POLR3A: variants seen among roughly 807,000 people sequenced by gnomAD.
POLR3A encodes DNA-directed RNA polymerase III subunit RPC1.
A neutral mutation model predicts 152.8 loss-of-function variants in POLR3A; 112 were observed. That is an observed-to-expected ratio of 0.73 (90% CI 0.63 to 0.86). The LOEUF is 0.86. POLR3A is among the 40% of genes least tolerant of loss of function. The pLI is 0.00. For synonymous variants in POLR3A, 615 were observed against 652.1 expected (o/e 0.94, Z 0.87); for missense variants, 1,385 against 1,743.1 (o/e 0.79, Z 3.66).
chr10:77,995,896 A>C (rs1236859346), intron 19 of POLR3A, among the ~76,000 whole-genome samples: 2 of 152,210 alleles, frequency 1.3e-5, no homozygotes, highest in Non-Finnish European at 2.9e-5. Flanking sequence ...TCCAAAACTG[A>C]CCACACAGTT....
chr10:78,001,185 C>G (rs1847353660), intron 17 of POLR3A, 91 bp from the exon 18 acceptor site: 1 of 711,878 alleles, frequency 1.4e-6, no homozygotes, highest in South Asian at 1.4e-5. Context: ...CAGGAATAGG[C>G]CCTTATGCTC....
chr10:78,003,017 G>A (rs1212663478), intron 16 of POLR3A, among the ~76,000 whole-genome samples: 5 of 152,202 alleles, frequency 3.3e-5, no homozygotes, highest in African/African-American at 1.2e-4. Context: ...TTGTAAATTT[G>A]TCTTTCTACT....
At chr10:77,990,775 G>A (rs557798642) in intron 21 of POLR3A, among the ~76,000 whole-genome samples, 7 of 152,026 alleles carry the variant, frequency 4.6e-5, no homozygotes, top group South Asian at 2.1e-4. Flanking sequence ...CACCACGCCC[G>A]GCTAATTTTT....
At chr10:78,029,253 G>A in intron 1 of POLR3A, 111 bp downstream of exon 1, 5 of 1,066,894 alleles carry the variant, frequency 4.7e-6, no homozygotes, top group Non-Finnish European at 7.3e-6. Flanking sequence ...TGGACTACTG[G>A]CCCTCCCCTT....
chr10:78,001,379 C>T (rs539848199), intron 17 of POLR3A, among the ~76,000 whole-genome samples: 5 of 152,056 alleles, frequency 3.3e-5, no homozygotes, highest in Admixed American at 6.5e-5. Context: ...AGGTTGGACT[C>T]CTGGAGGACA....
chr10:77,992,620 TTTAG>T (rs1445232637), intron 20 of POLR3A, among the ~76,000 whole-genome samples: 4 of 151,880 alleles, frequency 2.6e-5, no homozygotes, highest in Non-Finnish European at 5.9e-5. Flanking sequence ...TTTTTGTATC[TTTAG>T]TAGAGATGGG....
chr10:77,981,578 G>A lies in POLR3A; in HGVS notation c.3760-19C>T, dbSNP rs1452083755. On this transcript the variant is annotated intron_variant, in intron 28 of 30. Coordinates refer to ENST00000372371, the MANE Select transcript of POLR3A (RefSeq NM_007055.4). Reference sequence around the variant, plus strand: ...TCTCCACCTACAGAGAGCCAGTAATGAGCAGAAGCAGCCCCTTCCGGGAGG... The same window carrying A: ...TCTCCACCTACAGAGAGCCAGTAATAAGCAGAAGCAGCCCCTTCCGGGAGG... The A allele has an allele frequency of 1.9e-6, 3 of 1,613,742 alleles. No individual in the cohort carries two copies. The highest frequency in any genetic ancestry group is 2.5e-6 in the Non-Finnish European group (3 of 1,179,868).
chr10:78,020,026 T>C (rs1325401889), intron 8 of POLR3A: 1 of 149,830 alleles, frequency 6.7e-6, no homozygotes, highest in African/African-American at 2.5e-5. Flanking sequence ...ATATAAAAAT[T>C]AGCTGGGTGT....
chr10:78,015,031 C>A (rs1299737678), intron 10 of POLR3A, among the ~76,000 whole-genome samples: 1 of 152,116 alleles, frequency 6.6e-6, no homozygotes, highest in African/African-American at 2.4e-5. Context: ...AAACAAACCA[C>A]AAAAAGACAA....
chr10:77,977,686 G>A, intron 30 of POLR3A, 60 bp from the exon 31 acceptor site: 1 of 1,442,844 alleles, frequency 6.9e-7, no homozygotes. Context: ...TTTTCACGAA[G>A]AAAGACTATT....
intron 30 of POLR3A, among the ~76,000 whole-genome samples, chr10:77,977,900 C>T (rs886900490): frequency 6.6e-6 from 1 of 152,124 alleles, no homozygotes; most frequent in African/African-American, 2.4e-5. Context: ...TCTCCTCTCC[C>T]ACCTGAGCCA....
chr10:78,002,250 C>A lies in POLR3A; in HGVS notation c.2306G>T (p.Arg769Leu). Residue 769 changes from arginine (R) to leucine (L), a missense_variant, in exon 17 of 31, where the codon CGG (arginine) becomes CTG (leucine). By Grantham distance (102) the Arg-to-Leu change is moderately radical. Coordinates refer to ENST00000372371, the MANE Select transcript of POLR3A (RefSeq NM_007055.4). ...IRDHAGSACL[R>L]ELDKSNSPLT... Reference sequence around the variant, plus strand: ...GGGGCTGTTGCTCTTGTCCAGCTCCCGGAGGCAGGCACTGCCAGCGTGGTC... The same window carrying A: ...GGGGCTGTTGCTCTTGTCCAGCTCCAGGAGGCAGGCACTGCCAGCGTGGTC... 6.2e-7 allele frequency: 1 copy of A among 1,604,762 alleles called. No individual in the cohort carries two copies.
intron 19 of POLR3A, among the ~76,000 whole-genome samples, chr10:77,998,083 G>A (rs1159341791): frequency 1.3e-5 from 2 of 152,126 alleles, no homozygotes; most frequent in Non-Finnish European, 2.9e-5. Context: ...ATGGTGCTGG[G>A]AAAACTGGGT....
intron 17 of POLR3A, 45 bp downstream of exon 17, chr10:78,002,152 G>A (rs1415003251): frequency 1.7e-6 from 2 of 1,211,800 alleles, no homozygotes; most frequent in Admixed American, 2.0e-5. Flanking sequence ...CAAACAGCCT[G>A]TACGGAGAAC....
chr10:78,006,329 G>A (rs536211646), intron 15 of POLR3A, among the ~76,000 whole-genome samples: 52 of 149,018 alleles, frequency 3.5e-4, no homozygotes, highest in Non-Finnish European at 6.1e-4. Flanking sequence ...CCTGGGAGGC[G>A]GAGGTTGCAG....
chr10:77,985,278 C>A lies in POLR3A; in HGVS notation c.3134G>T (p.Gly1045Val). 2 of 1,613,962 alleles carry A rather than the reference C, an allele frequency of 1.2e-6. No individual in the cohort carries two copies. The highest frequency in any genetic ancestry group is 1.7e-6 in the Non-Finnish European group (2 of 1,179,840). Residue 1045 changes from glycine (G) to valine (V), a missense_variant, in exon 24 of 31, where the codon GGC (glycine) becomes GTC (valine). Coordinates refer to ENST00000372371, the MANE Select transcript of POLR3A (RefSeq NM_007055.4). ...GAAAGTCTTCAGGGTCATCTGGGTG[C>A]CTGGCTCACCAATGCTCTGGGCACA... ...ALCAQSIGEP[G>V]TQMTLKTFHF... is the part of the protein sequence containing the mutation.
chr10:77,980,341 G>GT, intron 29 of POLR3A, 68 bp from the exon 30 acceptor site: 1 of 1,488,492 alleles, frequency 6.7e-7, no homozygotes, highest in Admixed American at 1.7e-5. Flanking sequence ...CCAAAGCACG[G>GT]TGCACCTTCA....
rs1847075495 is a variant in POLR3A at position 77,975,209 on chromosome 10, C to T, written c.*2269G>A. 6.6e-6 allele frequency: 1 copy of T among 152,190 alleles called. No homozygotes were observed. The highest frequency in any genetic ancestry group is 2.1e-4 in the South Asian group (1 of 4,828). 9.4% of individuals were successfully genotyped at this position (152,190 alleles called of 1,614,324 possible). On this transcript the variant is annotated 3_prime_UTR_variant, in exon 31 of 31. Transcript: ENST00000372371. Reference sequence around the variant, plus strand: ...AGCAGGTACAGAGACTCAAATGTAACCCTTTGAGCTCTCATGCTTGAGGAT... The same window carrying T: ...AGCAGGTACAGAGACTCAAATGTAATCCTTTGAGCTCTCATGCTTGAGGAT...
rs183883455 is a variant in POLR3A, at chr10:77,999,599, T to C, written c.2616+382A>G. 9.5e-4 allele frequency among the ~76,000 whole-genome samples: 144 copies of C among 152,296 alleles called. 2 individuals carry two copies. Among genetic ancestry groups the C allele is most frequent in the African/African-American group, 3.4e-3 (141 of 41,564 alleles). ...AGGTCATTAGAGTTAATTAGAATGA[T>C]ATTAATAATGAGTTACATAAATAGT... On this transcript the variant is annotated intron_variant, in intron 19 of 30. Coordinates refer to ENST00000372371, the MANE Select transcript of POLR3A (RefSeq NM_007055.4).
Sources: gnomAD v4.1 joint callset for allele counts (sites outside exome capture counted in the v4.1 genomes callset) on GRCh38, gnomAD v4.1.1 for gene constraint, MANE v1.5 for transcripts, NCBI Gene and HGNC (gene_info 2026-07-23, HGNC 2026-07-21) for gene names.